TENM2: variants seen among roughly 807,000 people sequenced by gnomAD.
The protein encoded by TENM2 is teneurin-2.
A neutral mutation model predicts 245.2 loss-of-function variants in TENM2; 52 were observed. That is an observed-to-expected ratio of 0.21 (90% confidence interval 0.17 to 0.27). The LOEUF (loss-of-function observed/expected upper bound fraction) is 0.27, where lower values mean the gene tolerates loss of function less well. TENM2 is among the 10% of genes least tolerant of loss of function. The pLI is 1.00. For synonymous variants in TENM2, 1,363 were observed against 1,438.9 expected (o/e 0.95, Z 1.19); for missense variants, 3,046 against 3,666.8 (o/e 0.83, Z 4.37).
At chr5:168,121,955 C>A (rs936909723) in intron 10 of TENM2, among the ~76,000 whole-genome samples, 2 of 152,144 alleles carry the variant, frequency 1.3e-5, no homozygotes, top group African/African-American at 4.8e-5. Flanking sequence ...TACAGATCCC[C>A]AAATACGATT....
intron 2 of TENM2, among the ~76,000 whole-genome samples, chr5:167,742,915 C>T (rs1761286006): frequency 6.6e-6 from 1 of 151,992 alleles, no homozygotes; most frequent in Non-Finnish European, 1.5e-5. Flanking sequence ...CTGCAGTGAG[C>T]TATGATCATG....
chr5:167,938,708 G>C (rs1267443951), intron 3 of TENM2: 1 of 152,168 alleles, frequency 6.6e-6, no homozygotes, highest in African/African-American at 2.4e-5. Context: ...AAGAATTGAG[G>C]CCAAGGCAGT....
At chr5:167,179,120 C>T in the TENM2 span, among the ~76,000 whole-genome samples, 1 of 152,068 alleles carries the variant, frequency 6.6e-6, no homozygotes, top group Non-Finnish European at 1.5e-5. Flanking sequence ...ATTCCACTCT[C>T]AAGGAGTTAA....
At chr5:167,546,549 A>G (rs1772572257) in intron 2 of TENM2, among the ~76,000 whole-genome samples, 1 of 152,196 alleles carries the variant, frequency 6.6e-6, no homozygotes, top group African/African-American at 2.4e-5. Flanking sequence ...CTGAACATTA[A>G]AGTGACAGAA....
intron 2 of TENM2, among the ~76,000 whole-genome samples, chr5:167,615,279 A>AG (rs1241323292): frequency 1.3e-5 from 2 of 152,206 alleles, no homozygotes; most frequent in East Asian, 3.9e-4. Context: ...TTCCTTAAGA[A>AG]GTGGTGGGCA....
intron 9 of TENM2, among the ~76,000 whole-genome samples, chr5:168,116,030 T>A (rs748119888): frequency 6.6e-6 from 1 of 152,178 alleles, no homozygotes; most frequent in Non-Finnish European, 1.5e-5. Flanking sequence ...CTTAAATCCC[T>A]CTCAAAACTT....
intron 7 of TENM2, among the ~76,000 whole-genome samples, chr5:168,086,310 G>A (rs1243567078): frequency 6.6e-6 from 1 of 152,158 alleles, no homozygotes. Flanking sequence ...GCCAAGAAGT[G>A]GGGAGATTTA....
intron 2 of TENM2, among the ~76,000 whole-genome samples, chr5:167,621,683 A>T (rs878908672): frequency 1.3e-5 from 2 of 152,126 alleles, no homozygotes; most frequent in Admixed American, 1.3e-4. Context: ...TCATTATCAC[A>T]TCCCTGAACC....
the TENM2 span, among the ~76,000 whole-genome samples, chr5:166,995,271 G>T: frequency 4.6e-5 from 7 of 151,060 alleles, no homozygotes; most frequent in Admixed American, 2.0e-4. Flanking sequence ...ATGGAGTCTC[G>T]CTCTGTCGCC....
intron 2 of TENM2, among the ~76,000 whole-genome samples, chr5:167,474,041 A>G (rs1767212243): frequency 6.6e-6 from 1 of 152,166 alleles, no homozygotes; most frequent in African/African-American, 2.4e-5. Context: ...GATTAGATTA[A>G]AAATCTAATC....
rs75140265 is a variant in TENM2, at chr5:167,830,787, T to C, written c.503-45199T>C. Among the ~76,000 whole-genome samples, 124 of 152,252 alleles carry C rather than the reference T, an allele frequency of 8.1e-4. 1 individual carries two copies. In the East Asian group the frequency reaches 0.016, roughly 20 times the overall value. ...CTCAGAGGGCTTATTAAAACACACA[T>C]TGATGGGCCCCAACCTCAGTTTCTC... On this transcript the variant is annotated intron_variant, in intron 2 of 28. Coordinates refer to ENST00000518659, the Ensembl canonical transcript of TENM2.
the TENM2 span, among the ~76,000 whole-genome samples, chr5:167,031,307 A>G: frequency 1.3e-5 from 2 of 152,210 alleles, no homozygotes; most frequent in Non-Finnish European, 2.9e-5. Flanking sequence ...AACCAAAGCT[A>G]CAGAGAATTT....
At chr5:168,074,407 T>C (rs183868911) in intron 7 of TENM2, among the ~76,000 whole-genome samples, 33 of 152,280 alleles carry the variant, frequency 2.2e-4, no homozygotes, top group African/African-American at 7.7e-4. Context: ...TTTCCTATTA[T>C]GACAAAAACA....
chr5:167,238,009 CAAAAAAAAAAA>C, the TENM2 span, among the ~76,000 whole-genome samples: 41 of 44,106 alleles, frequency 9.3e-4, no homozygotes, highest in African/African-American at 3.0e-3. Flanking sequence ...GACTCTGTCT[CAAAAAAAAAAA>C]AAAAAAAAAA....
rs556849066 is a variant in TENM2 at position 167,877,574 on chromosome 5, T to C, written c.712+1379T>C. Among the ~76,000 whole-genome samples the C allele has an allele frequency of 2.4e-3, 360 of 152,304 alleles. 1 individual carries two copies. Among genetic ancestry groups the C allele is most frequent in the African/African-American group, 8.3e-3 (347 of 41,562 alleles). ...ATCATTGGGGTGATTGGTTTATCAT[T>C]TGGAGAAGAGACATCAATCATAACT... On this transcript the variant is annotated intron_variant, in intron 3 of 28. Transcript: ENST00000518659.
chr5:167,215,738 A>G, the TENM2 span, among the ~76,000 whole-genome samples: 1 of 152,244 alleles, frequency 6.6e-6, no homozygotes, highest in Admixed American at 6.5e-5. Flanking sequence ...CTGTGGTTGA[A>G]GGGCCAAAAG....
chr5:168,161,107 A>C (rs1260949569), intron 12 of TENM2, among the ~76,000 whole-genome samples: 1 of 152,184 alleles, frequency 6.6e-6, no homozygotes, highest in Admixed American at 6.5e-5. Flanking sequence ...AAAAGAAGGA[A>C]GATGCTAGGT....
At chr5:167,252,095 T>C in the TENM2 span, among the ~76,000 whole-genome samples, 3 of 152,110 alleles carry the variant, frequency 2.0e-5, no homozygotes, top group Non-Finnish European at 4.4e-5. Context: ...CTCCTGGCAT[T>C]GGCTCAAGTA....
In TENM2 at chr5:167,357,066, G is replaced by A. The variant is rs373663125; in HGVS notation, c.227-18132G>A. 2.6e-5 allele frequency among the ~76,000 whole-genome samples: 4 copies of A among 152,122 alleles called. No homozygotes were observed. In the East Asian group the frequency reaches 5.8e-4, roughly 22 times the overall value. ...CTGGGAGGAAAGCTTTGTTCAAGTC[G>A]ACATTTTTTTTAAATCTAAATGTAT... On this transcript the variant is annotated intron_variant, in intron 1 of 28. Transcript: ENST00000518659.
Sources: allele counts gnomAD v4.1 joint callset (sites outside exome capture counted in the v4.1 genomes callset), GRCh38; gene constraint gnomAD v4.1.1; transcripts MANE v1.5; gene names NCBI Gene and HGNC (gene_info 2026-07-23, HGNC 2026-07-21).